The following USH2A variants were observed in gnomAD, a reference collection of about 807,000 sequenced individuals.
USH2A encodes usherin.
Under a neutral mutation model 538.9 loss-of-function variants are expected in USH2A, and 443 were observed. The observed-to-expected ratio is 0.82, with a 90% CI of 0.76 to 0.89. The LOEUF is 0.89. USH2A is among the 40% of genes least tolerant of loss of function. USH2A has a pLI of 0.00. For synonymous variants in USH2A, 2,413 were observed against 2,273.5 expected (o/e 1.06, Z -1.75); for missense variants, 6,633 against 6,324.8 (o/e 1.05, Z -1.65).
At chr1:215,742,045 T>G (rs907349845) in intron 59 of USH2A, among the ~76,000 whole-genome samples, 2 of 152,188 alleles carry the variant, frequency 1.3e-5, no homozygotes, top group African/African-American at 4.8e-5. Context: ...ACGTTGACTT[T>G]GTACTTGAGT....
intron 61 of USH2A, among the ~76,000 whole-genome samples, chr1:215,705,011 C>T (rs6674308): frequency 0.18 from 27,191 of 152,136 alleles, 2,594 homozygotes; most frequent in Non-Finnish European, 0.21. Flanking sequence ...AATAAATTAT[C>T]TTTTATTTAA....
chr1:216,360,260 A>T (rs1011485583), intron 4 of USH2A, among the ~76,000 whole-genome samples: 1 of 152,144 alleles, frequency 6.6e-6, no homozygotes, highest in Non-Finnish European at 1.5e-5. Flanking sequence ...CATGAAAGAC[A>T]TGGAGAAATC....
At position 215,741,213 on chromosome 1, in the gene USH2A, G is replaced by A. The variant is rs146847672; in HGVS notation, c.11711+162C>T. Among the ~76,000 whole-genome samples the A allele has an allele frequency of 6.5e-3, 985 of 151,978 alleles. 6 individuals carry two copies. Among genetic ancestry groups the A allele is most frequent in the Non-Finnish European group, 0.011 (719 of 67,990 alleles). On this transcript the variant is annotated intron_variant, in intron 60 of 71. Transcript: ENST00000307340. ...CACCAGTCTTAGTCCTCACTGGTAG[G>A]TGCTACAAACAAACAAACAAACATA... is the stretch of plus-strand genomic sequence containing the variant.
At chr1:216,084,007 A>T (rs1353369892) in intron 25 of USH2A, among the ~76,000 whole-genome samples, 1 of 152,130 alleles carries the variant, frequency 6.6e-6, no homozygotes, top group Non-Finnish European at 1.5e-5. Flanking sequence ...CAACTTAATA[A>T]CCAACCAACT....
rs534827779 is a variant in USH2A, at chr1:215,832,297, T to C, written c.9371+5694A>G. 3.9e-4 allele frequency among the ~76,000 whole-genome samples: 59 copies of C among 151,868 alleles called. 1 individual carries two copies. Among genetic ancestry groups the C allele is most frequent in the Non-Finnish European group, 6.6e-4 (45 of 67,852 alleles). ...CCCAAGTTAGTATGAGACCAGAAAT[T>C]ACCATGATACCCAATCCAGGCAAAG... On this transcript the variant is annotated intron_variant, in intron 47 of 71. Transcript: ENST00000307340.
intron 35 of USH2A, among the ~76,000 whole-genome samples, chr1:215,980,781 G>T (rs1204119763): frequency 6.6e-6 from 1 of 152,058 alleles, no homozygotes. Context: ...GTTTTTGAGA[G>T]TAGCCATACT....
At chr1:215,806,438 T>G (rs750222223) in intron 49 of USH2A, among the ~76,000 whole-genome samples, 22 of 152,056 alleles carry the variant, frequency 1.4e-4, no homozygotes, top group Non-Finnish European at 1.8e-4. Context: ...GCCTTTGTTA[T>G]CAACATCTCT....
chr1:215,755,598 A>T (rs1483017066), intron 58 of USH2A, among the ~76,000 whole-genome samples: 1 of 152,218 alleles, frequency 6.6e-6, no homozygotes, highest in Non-Finnish European at 1.5e-5. Flanking sequence ...ATTTAATTGA[A>T]GATTTTAATC....
intron 14 of USH2A, among the ~76,000 whole-genome samples, chr1:216,229,754 G>C (rs980053774): frequency 6.6e-6 from 1 of 152,162 alleles, no homozygotes; most frequent in South Asian, 2.1e-4. Flanking sequence ...TCCAGTGCTA[G>C]TCAGGCCTAC....
At position 215,965,093 on chromosome 1, in the gene USH2A, A is replaced by G. The variant is rs73092455; in HGVS notation, c.7120+224T>C. 6.5e-3 allele frequency among the ~76,000 whole-genome samples: 992 copies of G among 152,204 alleles called. 12 individuals carry two copies. Among genetic ancestry groups the G allele is most frequent in the African/African-American group, 0.023 (938 of 41,542 alleles). On this transcript the variant is annotated intron_variant, in intron 37 of 71. Transcript: ENST00000307340. ...CACTAGGCTGGGGCAGAAGCTCTAC[A>G]ACGTACATTTCTAAGCGTTCATCAG...
At chr1:215,868,107 A>C (rs1333510391) in intron 43 of USH2A, among the ~76,000 whole-genome samples, 1 of 152,124 alleles carries the variant, frequency 6.6e-6, no homozygotes, top group East Asian at 1.9e-4. Flanking sequence ...TCATTACCTA[A>C]TTTGGGTTTA....
chr1:216,223,578 T>C (rs1346258257), intron 14 of USH2A, among the ~76,000 whole-genome samples: 1 of 152,190 alleles, frequency 6.6e-6, no homozygotes, highest in East Asian at 1.9e-4. Context: ...CAAGTGTCTT[T>C]GCATGCTTCT....
chr1:215,799,384 A>G lies in USH2A; in HGVS notation c.9740-259T>C, dbSNP rs11120637. ...TTTCCTCACCATCAGGTCTGGTGACATGGACTATGTGGCATTATAGAAAAA... is the reference window on the plus strand; with the variant it reads ...TTTCCTCACCATCAGGTCTGGTGACGTGGACTATGTGGCATTATAGAAAAA... On this transcript the variant is annotated intron_variant, in intron 49 of 71. Coordinates refer to ENST00000307340, the MANE Select transcript of USH2A (RefSeq NM_206933.4). Among the ~76,000 whole-genome samples, 17,905 of 152,226 alleles carry G rather than the reference A, an allele frequency of 0.12. 1,756 individuals carry two copies. The highest frequency in any genetic ancestry group is 0.27 in the African/African-American group (11,011 of 41,520).
At position 215,675,117 on chromosome 1, in the gene USH2A, C is replaced by T. The variant is rs769342088; in HGVS notation, c.12794G>A (p.Gly4265Asp). Reference sequence around the variant, plus strand: ...ATAGGATATCACAGGTGGAGAGAGACCTTCTGGAGGTGCTTGCAATGTCCT... The same window carrying T: ...ATAGGATATCACAGGTGGAGAGAGATCTTCTGGAGGTGCTTGCAATGTCCT... The part of the protein sequence containing the change: ...VVRTLQAPPE[G>D]LSPPVISYVS... Residue 4265 changes from glycine to aspartate, a missense_variant, in exon 63 of 72, where the codon GGT becomes GAT. Physicochemically the swap from Gly to Asp is moderately conservative, Grantham distance 94. Transcript: ENST00000307340. 6.2e-7 allele frequency: 1 copy of T among 1,614,006 alleles called. No individual in the cohort carries two copies. Among genetic ancestry groups the T allele is most frequent in the South Asian group, 1.1e-5 (1 of 91,074 alleles).
chr1:215,780,366 C>A (rs1435887931), intron 54 of USH2A, among the ~76,000 whole-genome samples: 2 of 152,302 alleles, frequency 1.3e-5, no homozygotes, highest in East Asian at 3.9e-4. Flanking sequence ...CTCTTGATAA[C>A]TCTCTTCCAT....
Position 216,099,127 on chromosome 1 carries a change from T to C in USH2A, c.4628-1914A>G, listed in dbSNP as rs893002704. ...GACTTTCCAAGAAGGCAAATCAAAT[T>C]TATCCTGGCCTTCTTGACTTCTGCA... On this transcript the variant is annotated intron_variant, in intron 21 of 71. Coordinates refer to ENST00000307340, the MANE Select transcript of USH2A (RefSeq NM_206933.4). Among the ~76,000 whole-genome samples, 5 of 152,202 alleles carry C rather than the reference T, an allele frequency of 3.3e-5. No homozygotes were observed. The South Asian group carries it at 1.0e-3, about 31-fold the overall frequency.
At chr1:216,120,419 A>C (rs1231252695) in intron 21 of USH2A, among the ~76,000 whole-genome samples, 1 of 151,576 alleles carries the variant, frequency 6.6e-6, no homozygotes, top group Non-Finnish European at 1.5e-5. Context: ...TCGCTCTGTC[A>C]CCCAGGCTGG....
At chr1:216,083,821 C>T (rs987174240) in intron 25 of USH2A, among the ~76,000 whole-genome samples, 29 of 152,066 alleles carry the variant, frequency 1.9e-4, no homozygotes, top group Non-Finnish European at 4.1e-4. Context: ...AATTTGCTCT[C>T]TAAATCATGT....
In USH2A at chr1:215,844,392, A is replaced by C; in HGVS notation, c.9160T>G (p.Ser3054Ala). 5 of 1,613,796 alleles carry C rather than the reference A, an allele frequency of 3.1e-6. No individual in the cohort carries two copies. Among genetic ancestry groups the C allele is most frequent in the Non-Finnish European group, 4.2e-6 (5 of 1,179,888 alleles). ...TAGAGCTTATTATTTACATAGATAG[A>C]ATACTCAGTGACAACACCATTTGGG... ...SNPNGVVTEY[S>A]IYVNNKLYKT... The change falls in exon 46 of 72, where the codon TCT (serine) becomes GCT (alanine). Residue 3054 changes from serine (S) to alanine (A), a missense_variant. Coordinates refer to ENST00000307340, the MANE Select transcript of USH2A (RefSeq NM_206933.4).
Sources: gnomAD v4.1 joint callset for allele counts (sites outside exome capture counted in the v4.1 genomes callset) on GRCh38, gnomAD v4.1.1 for gene constraint, MANE v1.5 for transcripts, NCBI Gene and HGNC (gene_info 2026-07-23, HGNC 2026-07-21) for gene names.